The following FLT1 variants were observed in gnomAD, a reference collection of about 807,000 sequenced individuals.
FLT1 encodes the protein vascular endothelial growth factor receptor 1.
In FLT1, 49 loss-of-function variants were observed where a neutral mutation model predicts 156.3. The observed-to-expected ratio is 0.31, with a 90% confidence interval of 0.25 to 0.40. FLT1 has a LOEUF of 0.40. Among genes scored for constraint, FLT1 ranks in the 10% least tolerant of loss-of-function variants. The pLI is 1.00. For missense variants in FLT1, 1,322 were observed against 1,637.2 expected, an observed-to-expected ratio of 0.81 and a Z score of 3.32; for synonymous variants, 594 against 583.8, an observed-to-expected ratio of 1.02 and a Z score of -0.25.
chr13:28,412,162 C>T (rs1050857061), intron 10 of FLT1, among the ~76,000 whole-genome samples: 3 of 152,166 alleles, frequency 2.0e-5, no homozygotes, highest in Admixed American at 6.5e-5. Context: ...CCCATTATGG[C>T]GGCCATCCTG....
At chr13:28,459,980 G>A (rs771862666) in intron 3 of FLT1, among the ~76,000 whole-genome samples, 18 of 152,220 alleles carry the variant, frequency 1.2e-4, no homozygotes, top group Non-Finnish European at 2.1e-4. Context: ...AAGTGGAGGC[G>A]GCAAGGCTCG....
intron 26 of FLT1, 128 bp from the exon 27 acceptor site, chr13:28,311,860 TACAC>T (rs375433146): frequency 1.8e-5 from 20 of 1,098,268 alleles, no homozygotes; most frequent in African/African-American, 6.2e-5. Flanking sequence ...TAATTCTGTA[TACAC>T]ACACACACAC....
chr13:28,363,067 G>C (rs995560340), intron 14 of FLT1, among the ~76,000 whole-genome samples: 1 of 150,396 alleles, frequency 6.6e-6, no homozygotes. Context: ...CCATTCTTCA[G>C]ATCTTTTGTT....
intron 29 of FLT1, among the ~76,000 whole-genome samples, chr13:28,304,848 T>C (rs1870674534): frequency 6.6e-6 from 1 of 152,252 alleles, no homozygotes; most frequent in Non-Finnish European, 1.5e-5. Context: ...TTCATCCATA[T>C]TGTAGCATGC....
rs894090277 is a variant in FLT1 at position 28,457,933 on chromosome 13, C to CTTTTTTTTTTTTTTT, written c.388+8955_388+8969dup. Among the ~76,000 whole-genome samples the CTTTTTTTTTTTTTTT allele has an allele frequency of 4.4e-5, 5 of 114,210 alleles. 1 individual carries two copies. The highest frequency in any genetic ancestry group is 1.9e-4 in the African/African-American group (5 of 26,712). The allele number at this position is 114,210 out of a possible 152,430, so 74.9% of individuals were successfully genotyped here. A position where few individuals can be genotyped will look rare whatever the true frequency, so the allele number is the denominator to read the frequency against. On this transcript the variant is annotated intron_variant, in intron 3 of 29. Coordinates refer to ENST00000282397, the MANE Select transcript of FLT1 (RefSeq NM_002019.4). The stretch of plus-strand genomic sequence containing the variant: ...TTCTTTTCCTTTTTTCTTTCCTTTT[C>CTTTTTTTTTTTTTTT]TTTTTTTTTTTTTTTTTTTGTGATG...
intron 1 of FLT1, among the ~76,000 whole-genome samples, chr13:28,486,686 A>C (rs1881188290): frequency 6.6e-6 from 1 of 152,240 alleles, no homozygotes; most frequent in Non-Finnish European, 1.5e-5. Flanking sequence ...TCTCCTCAGA[A>C]GGCAATTTAA....
intron 1 of FLT1, among the ~76,000 whole-genome samples, chr13:28,482,467 A>AAAAT (rs1368983794): frequency 2.0e-4 from 31 of 151,824 alleles, no homozygotes; most frequent in East Asian, 1.9e-3. Context: ...ACTCCATCTC[A>AAAAT]AAATAAATAA....
At chr13:28,386,430 GTCT>G (rs1342353660) in intron 13 of FLT1, 1 of 1,040,614 alleles carries the variant, frequency 9.6e-7, no homozygotes, top group Non-Finnish European at 1.2e-6. Flanking sequence ...TTTATCATTA[GTCT>G]TCTCATTTTA....
In FLT1 at chr13:28,460,227, G is replaced by A. The variant is rs73455431; in HGVS notation, c.388+6676C>T. 8.4e-3 allele frequency among the ~76,000 whole-genome samples: 1,285 copies of A among 152,298 alleles called. 26 individuals carry two copies. The highest frequency in any genetic ancestry group is 0.029 in the African/African-American group (1,196 of 41,560). On this transcript the variant is annotated intron_variant, in intron 3 of 29. Coordinates refer to ENST00000282397, the MANE Select transcript of FLT1 (RefSeq NM_002019.4). ...AGCCACGCCTCACAGAACATGAATA[G>A]GGCTCCCCATTAGGGGCTATTAACA...
intron 16 of FLT1, among the ~76,000 whole-genome samples, chr13:28,339,748 A>G (rs1872260780): frequency 6.6e-6 from 1 of 152,176 alleles, no homozygotes; most frequent in African/African-American, 2.4e-5. Context: ...TTTTCTACAT[A>G]TATAGGAAAA....
intron 27 of FLT1, among the ~76,000 whole-genome samples, chr13:28,310,839 A>G (rs1397154794): frequency 6.6e-6 from 1 of 152,256 alleles, no homozygotes; most frequent in Non-Finnish European, 1.5e-5. Flanking sequence ...AAGATAGACA[A>G]GAAACTTAAG....
intron 1 of FLT1, among the ~76,000 whole-genome samples, chr13:28,484,687 C>T (rs1027860179): frequency 6.6e-6 from 1 of 152,120 alleles, no homozygotes; most frequent in African/African-American, 2.4e-5. Context: ...GAGGGAAAGA[C>T]TAGCACAGTC....
intron 15 of FLT1, 102 bp downstream of exon 15, chr13:28,357,452 C>T (rs1175552100): frequency 6.6e-6 from 8 of 1,213,020 alleles, no homozygotes; most frequent in Non-Finnish European, 6.1e-6. Context: ...GGGAAAGGAA[C>T]AGACTGGAGC....
At chr13:28,349,464 G>A (rs148176922) in intron 15 of FLT1, among the ~76,000 whole-genome samples, 3 of 143,786 alleles carry the variant, frequency 2.1e-5, no homozygotes, top group African/African-American at 7.8e-5. Flanking sequence ...ACACACATGC[G>A]CACACGCACA....
At chr13:28,436,157 A>G (rs1878011650) in intron 4 of FLT1, among the ~76,000 whole-genome samples, 1 of 152,216 alleles carries the variant, frequency 6.6e-6, no homozygotes, top group African/African-American at 2.4e-5. Context: ...TAAAGCAGTC[A>G]AAGACTGTAG....
chr13:28,429,205 C>T (rs1412701964), intron 8 of FLT1, among the ~76,000 whole-genome samples: 3 of 152,152 alleles, frequency 2.0e-5, no homozygotes, highest in Non-Finnish European at 4.4e-5. Context: ...AAAATTTTCT[C>T]TTTAATTCCC....
Position 28,390,070 on chromosome 13 carries a change from T to A in FLT1, c.1695A>T (p.Lys565Asn). ...VPNGFHVNLE[K>N]MPTEGEDLKL... ...TCAGGTCCTCTCCTTCCGTCGGCATTTTTTCCAAGTTAACATGAAACCCAT... is the reference window on the plus strand; with the variant it reads ...TCAGGTCCTCTCCTTCCGTCGGCATATTTTCCAAGTTAACATGAAACCCAT... The change falls in exon 13 of 30, where the codon AAA (lysine) becomes AAT (asparagine). Residue 565 changes from lysine to asparagine, a missense_variant. Lys to Asn is a moderately conservative substitution (Grantham distance 94). Transcript: ENST00000282397. 1 of 1,614,188 alleles carries A rather than the reference T, an allele frequency of 6.2e-7. No individual in the cohort carries two copies. Among genetic ancestry groups the A allele is most frequent in the Non-Finnish European group, 8.5e-7 (1 of 1,180,020 alleles).
intron 1 of FLT1, among the ~76,000 whole-genome samples, chr13:28,476,274 C>G: frequency 6.6e-6 from 1 of 152,258 alleles, no homozygotes; most frequent in African/African-American, 2.4e-5. Context: ...TTTCATTCAG[C>G]TTAGGCTCAG....
Position 28,494,876 on chromosome 13 carries a change from CCG to C in FLT1, c.-35_-34del. The C allele has an allele frequency of 6.7e-7, 1 of 1,502,474 alleles. No homozygotes were observed. The highest frequency in any genetic ancestry group is 8.9e-7 in the Non-Finnish European group (1 of 1,127,184). The allele number at this position is 1,502,474 out of a possible 1,614,324, so 93.1% of individuals were successfully genotyped here. A position where few individuals can be genotyped will look rare whatever the true frequency, so the allele number is the denominator to read the frequency against. ...GCGACGCGGCCTGCTCGCCCGGTGC[CCG>C]CGCTCCCCGCGGCCAACGACCCGGC... On this transcript the variant is annotated 5_prime_UTR_variant, in exon 1 of 30. Coordinates refer to ENST00000282397, the MANE Select transcript of FLT1 (RefSeq NM_002019.4).
Sources: gnomAD v4.1 joint callset for allele counts (sites outside exome capture counted in the v4.1 genomes callset) on GRCh38, gnomAD v4.1.1 for gene constraint, MANE v1.5 for transcripts, NCBI Gene and HGNC (gene_info 2026-07-23, HGNC 2026-07-21) for gene names.